The following FBXO21 variants were observed in gnomAD, a reference collection of about 807,000 sequenced individuals.
The protein encoded by FBXO21 is F-box protein 21.
Under a neutral mutation model 76.6 loss-of-function variants are expected in FBXO21, and 32 were observed. The ratio of observed to expected loss-of-function variants is 0.42; its 90% CI spans 0.32 to 0.56. The LOEUF is 0.56. FBXO21 is among the 20% of genes least tolerant of loss of function. FBXO21 has a pLI of 0.16. For missense variants in FBXO21, 586 were observed against 797.3 expected (o/e 0.73, Z 3.19); for synonymous variants, 328 against 311.5 (o/e 1.05, Z -0.56).
At chr12:117,164,262 ATCTTT>A (rs1471008561) in intron 9 of FBXO21, among the ~76,000 whole-genome samples, 15 of 148,412 alleles carry the variant, frequency 1.0e-4, no homozygotes, top group East Asian at 4.0e-4. Context: ...TACAGATGAC[ATCTTT>A]TCTTTTCTTT....
At chr12:117,178,461 A>G (rs1956195647) in intron 3 of FBXO21, among the ~76,000 whole-genome samples, 1 of 152,022 alleles carries the variant, frequency 6.6e-6, no homozygotes, top group South Asian at 2.1e-4. Flanking sequence ...ACGTACGGTC[A>G]CGCCACCCAA....
At chr12:117,153,960 C>G (rs1043677686) in intron 11 of FBXO21, among the ~76,000 whole-genome samples, 1 of 152,170 alleles carries the variant, frequency 6.6e-6, no homozygotes, top group Non-Finnish European at 1.5e-5. Flanking sequence ...TATCACAACC[C>G]CTAAAACCAA....
intron 4 of FBXO21, among the ~76,000 whole-genome samples, chr12:117,175,738 C>T (rs1034166650): frequency 1.1e-4 from 17 of 152,206 alleles, no homozygotes; most frequent in African/African-American, 3.9e-4. Context: ...CAGACTTCTT[C>T]GATGGCATCA....
intron 3 of FBXO21, among the ~76,000 whole-genome samples, chr12:117,178,126 T>G (rs953755205): frequency 1.3e-5 from 2 of 152,204 alleles, no homozygotes; most frequent in Non-Finnish European, 2.9e-5. Context: ...CCCACTCAGA[T>G]AGCTGAGCAC....
chr12:117,158,610 T>G (rs144785096), intron 9 of FBXO21, among the ~76,000 whole-genome samples: 1 of 152,142 alleles, frequency 6.6e-6, no homozygotes, highest in Non-Finnish European at 1.5e-5. Context: ...GGTCACAGAG[T>G]GGGCACCAAA....
At chr12:117,173,211 A>C (rs1047101883) in intron 6 of FBXO21, among the ~76,000 whole-genome samples, 1 of 152,208 alleles carries the variant, frequency 6.6e-6, no homozygotes, top group African/African-American at 2.4e-5. Context: ...TTGCATTTTT[A>C]GTAGAAACAG....
rs894377190 is a variant in FBXO21, at chr12:117,143,078, T to C, written c.*3009A>G. ...GCCTTTCAAAATCTGATTAGGTGGA[T>C]AATGTTTGCAAACATGACGCCTGGC... On this transcript the variant is annotated 3_prime_UTR_variant, in exon 12 of 12. Coordinates refer to ENST00000622495, the MANE Select transcript of FBXO21 (RefSeq NM_015002.3). 4 of 152,226 alleles carry C rather than the reference T, an allele frequency of 2.6e-5. No homozygotes were observed. The highest frequency in any genetic ancestry group is 9.6e-5 in the African/African-American group (4 of 41,456). 9.4% of individuals were successfully genotyped at this position (152,226 alleles called of 1,614,324 possible).
At chr12:117,152,464 A>AAC (rs1238931110) in intron 11 of FBXO21, among the ~76,000 whole-genome samples, 1 of 145,482 alleles carries the variant, frequency 6.9e-6, no homozygotes, top group African/African-American at 2.6e-5. Flanking sequence ...CCCTGTCTCA[A>AAC]AAAAAAAAAA....
intron 3 of FBXO21, among the ~76,000 whole-genome samples, chr12:117,184,941 C>T (rs1439476082): frequency 2.0e-5 from 3 of 152,220 alleles, no homozygotes; most frequent in South Asian, 2.1e-4. Context: ...CCTTCCCATA[C>T]TCATCACTGT....
rs150500213 is a variant in FBXO21 at position 117,174,745 on chromosome 12, T to C, written c.645A>G (p.Lys215=). The change falls in exon 5 of 12, where the codon AAA becomes AAG. Residue 215 remains lysine (K), a synonymous_variant. Transcript: ENST00000622495. ...TGCTGTCAATTTGGGCCTGGATGTC[T>C]TTGAGGCTGATGTCGGAGAGAGGAT... ...YCNPLSDISL[K]DIQAQIDSIV... The C allele has an allele frequency of 1.0e-4, 163 of 1,614,064 alleles. No homozygotes were observed. In the African/African-American group the frequency reaches 2.0e-3, roughly 20 times the overall value.
At chr12:117,161,014 C>T (rs1227524287) in intron 9 of FBXO21, among the ~76,000 whole-genome samples, 2 of 152,034 alleles carry the variant, frequency 1.3e-5, no homozygotes, top group African/African-American at 2.4e-5. Flanking sequence ...GTGGGGAAGG[C>T]GACAGTTAGG....
chr12:117,156,309 A>G (rs933531067), intron 10 of FBXO21, among the ~76,000 whole-genome samples: 3 of 152,212 alleles, frequency 2.0e-5, no homozygotes, highest in Non-Finnish European at 2.9e-5. Context: ...AAGATAGGGA[A>G]GGTTTGTTAA....
chr12:117,142,673 C>CAAAAAAAAAAAAAA lies in FBXO21; in HGVS notation c.*3400_*3413dup, dbSNP rs761025781. 9.9e-6 allele frequency: 1 copy of CAAAAAAAAAAAAAA among 100,694 alleles called. No homozygotes were observed. The highest frequency in any genetic ancestry group is 2.0e-5 in the Non-Finnish European group (1 of 50,700). 6.2% of individuals were successfully genotyped at this position (100,694 alleles called of 1,614,324 possible). A position where few individuals can be genotyped will look rare whatever the true frequency, so the allele number is the denominator to read the frequency against. On this transcript the variant is annotated 3_prime_UTR_variant, in exon 12 of 12. Coordinates refer to ENST00000622495, the MANE Select transcript of FBXO21 (RefSeq NM_015002.3). ...TCCAGTTGATGTCTCTCCTTCCCTC[C>CAAAAAAAAAAAAAA]AAAAAAAAAAAAAAAAAAAAAAGAC...
In FBXO21 at chr12:117,154,764, T is replaced by C. The variant is rs374582932; in HGVS notation, c.1675+1027A>G. On this transcript the variant is annotated intron_variant, in intron 11 of 11. Coordinates refer to ENST00000622495, the MANE Select transcript of FBXO21 (RefSeq NM_015002.3). ...GTGTGAGACACCTCACCTGGCAATC[T>C]CCAGCCTTTCAGAAAGTTCTGAGGT... Among the ~76,000 whole-genome samples, 109 of 152,316 alleles carry C rather than the reference T, an allele frequency of 7.2e-4. No individual in the cohort carries two copies. In the East Asian group the frequency reaches 0.017, roughly 23 times the overall value.
At chr12:117,180,544 C>T (rs1956217170) in intron 3 of FBXO21, among the ~76,000 whole-genome samples, 1 of 152,162 alleles carries the variant, frequency 6.6e-6, no homozygotes, top group Non-Finnish European at 1.5e-5. Context: ...TAGAATATCA[C>T]ATCGTTATTC....
At chr12:117,158,948 A>G (rs1316374200) in intron 9 of FBXO21, among the ~76,000 whole-genome samples, 1 of 152,124 alleles carries the variant, frequency 6.6e-6, no homozygotes, top group East Asian at 1.9e-4. Flanking sequence ...TCTCCTTCCA[A>G]TTTACTGAGT....
chr12:117,180,650 G>A (rs951512639), intron 3 of FBXO21, among the ~76,000 whole-genome samples: 7 of 151,700 alleles, frequency 4.6e-5, no homozygotes, highest in Middle Eastern at 3.2e-3. Flanking sequence ...CTTTTGAGAC[G>A]GAGTCTCGCT....
intron 1 of FBXO21, 110 bp downstream of exon 1, chr12:117,190,108 G>C (rs971032250): frequency 2.2e-6 from 1 of 450,896 alleles, no homozygotes; most frequent in Non-Finnish European, 2.9e-6. Context: ...AAGGGGTCCG[G>C]GGTGGGGTCC....
intron 3 of FBXO21, among the ~76,000 whole-genome samples, chr12:117,184,332 C>T (rs567005120): frequency 6.6e-5 from 10 of 152,246 alleles, no homozygotes; most frequent in African/African-American, 2.2e-4. Context: ...GACATGCTAT[C>T]TATTTTATGT....
Sources: allele counts gnomAD v4.1 joint callset (sites outside exome capture counted in the v4.1 genomes callset), GRCh38; gene constraint gnomAD v4.1.1; transcripts MANE v1.5; gene names NCBI Gene and HGNC (gene_info 2026-07-23, HGNC 2026-07-21).